The following DSCAM variants were observed in gnomAD, a reference collection of about 807,000 sequenced individuals.
DSCAM encodes cell adhesion molecule DSCAM.
A neutral mutation model predicts 217.7 loss-of-function variants in DSCAM; 47 were observed. The observed-to-expected ratio is 0.22, with a 90% CI of 0.17 to 0.28. The LOEUF (loss-of-function observed/expected upper bound fraction) is 0.28, where lower values mean the gene tolerates loss of function less well. DSCAM is among the 10% of genes least tolerant of loss of function. The pLI is 1.00. For missense variants in DSCAM, 2,080 were observed against 2,618.3 expected (o/e 0.79, Z 4.49); for synonymous variants, 1,056 against 1,015.3 (o/e 1.04, Z -0.76).
At chr21:40,556,572 G>GA (rs2076673323) in intron 3 of DSCAM, among the ~76,000 whole-genome samples, 1 of 152,178 alleles carries the variant, frequency 6.6e-6, no homozygotes, top group Non-Finnish European at 1.5e-5. Context: ...GGCATCTGGT[G>GA]AAAACCCCAG....
At chr21:40,458,064 G>A (rs1233775299) in intron 3 of DSCAM, among the ~76,000 whole-genome samples, 1 of 152,298 alleles carries the variant, frequency 6.6e-6, no homozygotes, top group Admixed American at 6.5e-5. Context: ...GCAGAAGTAT[G>A]TCAATAGTGA....
chr21:40,029,579 G>C (rs1388902467), intron 32 of DSCAM, among the ~76,000 whole-genome samples: 3 of 152,106 alleles, frequency 2.0e-5, no homozygotes, highest in Non-Finnish European at 1.5e-5. Context: ...TGGAGAGTAG[G>C]AGGCGGGCCC....
intron 18 of DSCAM, among the ~76,000 whole-genome samples, chr21:40,141,978 A>ACACACACACACACACG (rs1191743446): frequency 7.4e-6 from 1 of 135,254 alleles, no homozygotes; most frequent in Admixed American, 7.0e-5. Flanking sequence ...CTTGAAATAC[A>ACACACACACACACACG]CACACACACA....
chr21:40,600,229 A>G (rs1225077380), intron 3 of DSCAM, among the ~76,000 whole-genome samples: 1 of 152,204 alleles, frequency 6.6e-6, no homozygotes, highest in Non-Finnish European at 1.5e-5. Flanking sequence ...AATACCATCA[A>G]CTGGGTAATT....
chr21:40,581,052 G>A (rs749481907), intron 3 of DSCAM, among the ~76,000 whole-genome samples: 5 of 152,124 alleles, frequency 3.3e-5, no homozygotes, highest in African/African-American at 4.8e-5. Flanking sequence ...TTAAAAAGAC[G>A]AATAATATAG....
At chr21:40,059,868 G>A (rs943347498) in intron 28 of DSCAM, among the ~76,000 whole-genome samples, 6 of 152,160 alleles carry the variant, frequency 3.9e-5, no homozygotes, top group Admixed American at 3.9e-4. Context: ...CAGACCAGGG[G>A]TAGCTGTTCA....
At chr21:40,082,234 G>T (rs1199714226) in intron 24 of DSCAM, among the ~76,000 whole-genome samples, 2 of 152,166 alleles carry the variant, frequency 1.3e-5, no homozygotes, top group African/African-American at 4.8e-5. Context: ...GCCAAGGCGG[G>T]TAGATCACTA....
rs192556595 is a variant in DSCAM at position 40,641,820 on chromosome 21, C to T, written c.508+50990G>A. On this transcript the variant is annotated intron_variant, in intron 3 of 32. Coordinates refer to ENST00000400454, the MANE Select transcript of DSCAM (RefSeq NM_001389.5). Reference sequence around the variant, plus strand: ...TCCCAGCACTACGGGGAGGCCGAGGCGGGTGGATCACGAGGTCAGGAGTTC... The same window carrying T: ...TCCCAGCACTACGGGGAGGCCGAGGTGGGTGGATCACGAGGTCAGGAGTTC... Among the ~76,000 whole-genome samples, 17 of 152,148 alleles carry T rather than the reference C, an allele frequency of 1.1e-4. 1 individual carries two copies. The East Asian group carries it at 2.9e-3, about 26-fold the overall frequency.
At chr21:40,190,732 C>A (rs568593945) in intron 11 of DSCAM, among the ~76,000 whole-genome samples, 4 of 152,140 alleles carry the variant, frequency 2.6e-5, no homozygotes, top group Non-Finnish European at 5.9e-5. Context: ...GTCCTCTGTC[C>A]AGGCCCACTG....
chr21:40,303,367 G>A (rs118094201), intron 9 of DSCAM, among the ~76,000 whole-genome samples: 337 of 152,006 alleles, frequency 2.2e-3, no homozygotes, highest in African/African-American at 6.2e-3. Flanking sequence ...CTTGGAACTC[G>A]CTTCCTACAA....
intron 24 of DSCAM, among the ~76,000 whole-genome samples, chr21:40,082,316 C>T (rs1156625570): frequency 8.5e-5 from 13 of 152,092 alleles, no homozygotes; most frequent in East Asian, 3.9e-4. Context: ...AAAAATCAGT[C>T]GGACGTGGTG....
At chr21:40,138,878 G>GGGTGTGTGTGGTGTGTAAGTGT (rs1293177173) in intron 18 of DSCAM, among the ~76,000 whole-genome samples, 1 of 145,970 alleles carries the variant, frequency 6.9e-6, no homozygotes, top group Non-Finnish European at 1.5e-5. Flanking sequence ...TGTATATGTG[G>GGGTGTGTGTGGTGTGTAAGTGT]GGTGTGTGTG....
Position 40,410,571 on chromosome 21 carries a change from C to T in DSCAM, c.509-41326G>A, listed in dbSNP as rs576660641. The stretch of plus-strand genomic sequence containing the variant: ...CAAGGACATATGAAGAAAACAACAC[C>T]GAGATGCATCATTATCAAACTGCTG... On this transcript the variant is annotated intron_variant, in intron 3 of 32. Transcript: ENST00000400454. Among the ~76,000 whole-genome samples, 81 of 151,096 alleles carry T rather than the reference C, an allele frequency of 5.4e-4. 2 individuals carry two copies. The highest frequency in any genetic ancestry group is 3.8e-3 in the Admixed American group (58 of 15,188).
chr21:40,399,183 C>T (rs568339202), intron 3 of DSCAM, among the ~76,000 whole-genome samples: 2 of 152,230 alleles, frequency 1.3e-5, no homozygotes, highest in Admixed American at 1.3e-4. Context: ...GGCAGGAAGA[C>T]TGCTTGAAAC....
chr21:40,217,613 C>T (rs894205470), intron 11 of DSCAM, among the ~76,000 whole-genome samples: 1 of 152,126 alleles, frequency 6.6e-6, no homozygotes, highest in African/African-American at 2.4e-5. Flanking sequence ...ATTTACACTT[C>T]CACCAATAGT....
intron 3 of DSCAM, among the ~76,000 whole-genome samples, chr21:40,686,130 GCA>G (rs147349087): frequency 0.25 from 37,139 of 150,898 alleles, 5,556 homozygotes; most frequent in Admixed American, 0.41. Context: ...CAGATACAGA[GCA>G]CACACATCAC....
At chr21:40,567,002 G>A (rs1350566645) in intron 3 of DSCAM, among the ~76,000 whole-genome samples, 1 of 151,958 alleles carries the variant, frequency 6.6e-6, no homozygotes, top group African/African-American at 2.4e-5. Context: ...ACAAGCAGAA[G>A]GGGTGTAGGC....
chr21:40,749,892 C>T (rs753727631), intron 1 of DSCAM, among the ~76,000 whole-genome samples: 5 of 151,992 alleles, frequency 3.3e-5, no homozygotes, highest in Admixed American at 6.6e-5. Context: ...ATTTCTCCCA[C>T]GTAGCCTCTC....
chr21:40,509,952 G>A (rs1000309584), intron 3 of DSCAM, among the ~76,000 whole-genome samples: 1 of 151,958 alleles, frequency 6.6e-6, no homozygotes, highest in Non-Finnish European at 1.5e-5. Flanking sequence ...GTGAAACCCC[G>A]TCTCTACTAA....
Sources: allele counts gnomAD v4.1 joint callset (sites outside exome capture counted in the v4.1 genomes callset), GRCh38; gene constraint gnomAD v4.1.1; transcripts MANE v1.5; gene names NCBI Gene and HGNC (gene_info 2026-07-23, HGNC 2026-07-21).